The following LUC7L2 variants were observed in gnomAD, a reference collection of about 807,000 sequenced individuals.
LUC7L2 encodes the protein putative RNA-binding protein Luc7-like 2.
Under a neutral mutation model 52.8 loss-of-function variants are expected in LUC7L2, and 25 were observed. The ratio of observed to expected loss-of-function variants is 0.47; its 90% CI spans 0.34 to 0.66. The LOEUF (loss-of-function observed/expected upper bound fraction) is 0.66. LUC7L2 is among the 30% of genes least tolerant of loss of function. LUC7L2 has a pLI of 0.01. For synonymous variants in LUC7L2, 144 were observed against 160.9 expected (o/e 0.89, Z 0.80); for missense variants, 328 against 497.8 (o/e 0.66, Z 3.25).
intron 2 of LUC7L2, among the ~76,000 whole-genome samples, chr7:139,397,241 T>G (rs931299366): frequency 5.3e-5 from 8 of 152,212 alleles, no homozygotes; most frequent in Non-Finnish European, 8.8e-5. Context: ...ACTTTTTGCC[T>G]TTTCCTAAGA....
intron 4 of LUC7L2, 21 bp from the exon 5 acceptor site, chr7:139,405,623 T>A (rs1244742765): frequency 2.5e-6 from 4 of 1,572,780 alleles, no homozygotes; most frequent in Admixed American, 2.1e-5. Flanking sequence ...ATTCATGATC[T>A]TCTTTTTTAT....
chr7:139,399,678 C>T (rs1794816864), intron 3 of LUC7L2, among the ~76,000 whole-genome samples: 2 of 151,762 alleles, frequency 1.3e-5, no homozygotes, highest in Admixed American at 6.6e-5. Context: ...ACCGTGTTAG[C>T]TAGGATGGTC....
chr7:139,410,563 G>A (rs952425909), intron 7 of LUC7L2, among the ~76,000 whole-genome samples: 2 of 152,132 alleles, frequency 1.3e-5, no homozygotes, highest in African/African-American at 4.8e-5. Context: ...TAGCATCATG[G>A]TGGCAACATT....
chr7:139,398,329 C>CT, intron 2 of LUC7L2, among the ~76,000 whole-genome samples: 1 of 152,212 alleles, frequency 6.6e-6, no homozygotes, highest in East Asian at 1.9e-4. Context: ...TAGAAGCTAG[C>CT]TTTTTTCAGA....
At chr7:139,392,366 T>C (rs994526677) in intron 2 of LUC7L2, 2 of 341,648 alleles carry the variant, frequency 5.9e-6, no homozygotes, top group African/African-American at 4.4e-5. Context: ...GGAAATAACA[T>C]TCACTTTTGG....
intron 2 of LUC7L2, chr7:139,392,269 T>C (rs1794477366): frequency 5.1e-6 from 1 of 195,684 alleles, no homozygotes; most frequent in Admixed American, 6.1e-5. Flanking sequence ...TATTCAGTAG[T>C]CATGGTTTGT....
At chr7:139,413,002 G>T (rs929037691) in intron 8 of LUC7L2, among the ~76,000 whole-genome samples, 15 of 152,078 alleles carry the variant, frequency 9.9e-5, no homozygotes, top group African/African-American at 3.6e-4. Flanking sequence ...ATAAAATTTT[G>T]ATTGATCCAC....
intron 4 of LUC7L2, among the ~76,000 whole-genome samples, chr7:139,404,543 C>T (rs911561095): frequency 6.6e-6 from 1 of 152,230 alleles, no homozygotes; most frequent in East Asian, 1.9e-4. Flanking sequence ...TTAAAACCTT[C>T]TTTGCTAACA....
At chr7:139,384,218 G>A (rs540554708) in intron 2 of LUC7L2, among the ~76,000 whole-genome samples, 2 of 152,280 alleles carry the variant, frequency 1.3e-5, no homozygotes, top group East Asian at 3.9e-4. Context: ...AATTTGAAGA[G>A]ATCTGGATGT....
rs780450607 is a variant in LUC7L2 at position 139,395,669 on chromosome 7, C to A, written c.157-2930C>A. Among the ~76,000 whole-genome samples the A allele has an allele frequency of 3.2e-4, 48 of 152,178 alleles. 1 individual carries two copies. Among genetic ancestry groups the A allele is most frequent in the Non-Finnish European group, 1.0e-4 (7 of 68,038 alleles). ...TTTGTTTTTACTTTTGAGACAGGGT[C>A]TAGCTCTGTCACCCAGGCTGGAATG... On this transcript the variant is annotated intron_variant, in intron 2 of 9. Transcript: ENST00000354926.
intron 2 of LUC7L2, among the ~76,000 whole-genome samples, chr7:139,394,226 G>A (rs1368483809): frequency 6.6e-6 from 1 of 152,172 alleles, no homozygotes; most frequent in Non-Finnish European, 1.5e-5. Context: ...GCCGCCCTGT[G>A]CCAAATGTTC....
intron 9 of LUC7L2, among the ~76,000 whole-genome samples, chr7:139,421,941 A>G (rs990222996): frequency 6.6e-6 from 1 of 152,180 alleles, no homozygotes; most frequent in African/African-American, 2.4e-5. Context: ...AAATTATTTT[A>G]GCCTTCTGAC....
chr7:139,341,632 C>T (rs1391472640), intron 1 of LUC7L2: 29 of 1,494,720 alleles, frequency 1.9e-5, no homozygotes. Flanking sequence ...GAGGCCAACC[C>T]TCCCACGGAG....
chr7:139,386,969 A>G (rs2131246832), intron 2 of LUC7L2, among the ~76,000 whole-genome samples: 1 of 151,922 alleles, frequency 6.6e-6, no homozygotes, highest in Non-Finnish European at 1.5e-5. Context: ...CCTTTCAAGT[A>G]GCTGGATTAC....
intron 2 of LUC7L2, 37 bp from the exon 3 acceptor site, chr7:139,398,562 T>C (rs1157877922): frequency 3.9e-6 from 6 of 1,546,260 alleles, no homozygotes; most frequent in Admixed American, 2.2e-5. Context: ...TAAAAAACTT[T>C]TTTTTGTTTT....
upstream of LUC7L2, among the ~76,000 whole-genome samples, chr7:139,357,840 C>A (rs7780372): frequency 0.39 from 58,599 of 151,246 alleles, 15,741 homozygotes; most frequent in African/African-American, 0.77. Context: ...TACAGGCATG[C>A]GCCACCACGC....
chr7:139,341,528 G>T (rs1320324647), intron 1 of LUC7L2: 2 of 1,610,580 alleles, frequency 1.2e-6, no homozygotes, highest in Non-Finnish European at 1.7e-6. Context: ...ATCGGGTACG[G>T]GAGCCATGTC....
At chr7:139,395,822 A>G (rs1301236996) in intron 2 of LUC7L2, among the ~76,000 whole-genome samples, 1 of 151,602 alleles carries the variant, frequency 6.6e-6, no homozygotes, top group Admixed American at 6.6e-5. Context: ...TTTCTTTTTT[A>G]CTTTTTGTAG....
chr7:139,371,646 A>T (rs560920822), intron 1 of LUC7L2, among the ~76,000 whole-genome samples: 2 of 152,318 alleles, frequency 1.3e-5, no homozygotes, highest in Admixed American at 1.3e-4. Flanking sequence ...TAATGTTACT[A>T]ATAAAATTTA....
Sources: gnomAD v4.1 joint callset for allele counts (sites outside exome capture counted in the v4.1 genomes callset) on GRCh38, gnomAD v4.1.1 for gene constraint, MANE v1.5 for transcripts, NCBI Gene and HGNC (gene_info 2026-07-23, HGNC 2026-07-21) for gene names.